SYT16: variants seen among roughly 807,000 people sequenced by gnomAD.
SYT16 encodes synaptotagmin-16.
SYT16 carries 42 observed loss-of-function variants against 61.4 expected under a neutral mutation model. The ratio of observed to expected loss-of-function variants is 0.68; its 90% confidence interval spans 0.53 to 0.89. SYT16 has a LOEUF of 0.89. Ranked by LOEUF, SYT16 falls within the 40% of genes least tolerant of loss-of-function variation. The pLI is 0.00. For missense variants in SYT16, 804 were observed against 807.3 expected, an observed-to-expected ratio of 1.00 and a Z score of 0.05; for synonymous variants, 314 against 302.3, an observed-to-expected ratio of 1.04 and a Z score of -0.40.
intron 3 of SYT16, among the ~76,000 whole-genome samples, chr14:62,041,052 A>G (rs546579077): frequency 6.6e-6 from 1 of 152,306 alleles, no homozygotes; most frequent in East Asian, 1.9e-4. Flanking sequence ...AAGCTGAAGA[A>G]CTTGGAGTCC....
intron 3 of SYT16, among the ~76,000 whole-genome samples, chr14:62,063,002 C>A (rs11849332): frequency 0.011 from 1,697 of 152,308 alleles, 16 homozygotes; most frequent in Middle Eastern, 0.027. Context: ...CCTCTCTTTG[C>A]ATCGCCAGTT....
At chr14:61,962,658 G>A (rs2051161864) in intron 1 of SYT16, among the ~76,000 whole-genome samples, 2 of 151,932 alleles carry the variant, frequency 1.3e-5, no homozygotes, top group South Asian at 4.2e-4. Context: ...TCACCTGAGA[G>A]TGTCTCATGA....
intron 7 of SYT16, among the ~76,000 whole-genome samples, chr14:62,092,026 G>T (rs2057094511): frequency 6.6e-6 from 1 of 151,962 alleles, no homozygotes; most frequent in Non-Finnish European, 1.5e-5. Flanking sequence ...TTTAAAACTG[G>T]ATTAAAGACT....
intron 2 of SYT16, among the ~76,000 whole-genome samples, chr14:61,989,229 G>T (rs11158369): frequency 0.31 from 46,962 of 151,956 alleles, 8,171 homozygotes; most frequent in East Asian, 0.74. Flanking sequence ...ATGAATTTGG[G>T]ATTAATATTG....
At chr14:62,015,585 T>C (rs2053639883) in intron 3 of SYT16, among the ~76,000 whole-genome samples, 1 of 152,206 alleles carries the variant, frequency 6.6e-6, no homozygotes, top group South Asian at 2.1e-4. Flanking sequence ...TAGTCCCCAG[T>C]ATGATGGTAT....
intron 1 of SYT16, among the ~76,000 whole-genome samples, chr14:61,858,497 T>C (rs891471860): frequency 2.6e-5 from 4 of 152,186 alleles, no homozygotes; most frequent in African/African-American, 9.7e-5. Flanking sequence ...GCAGAGACTA[T>C]GACTACAACA....
chr14:62,019,826 T>C (rs2053844267), intron 3 of SYT16, among the ~76,000 whole-genome samples: 2 of 152,168 alleles, frequency 1.3e-5, no homozygotes, highest in South Asian at 4.1e-4. Flanking sequence ...CTGGGGCTCC[T>C]GTGAAGATGA....
intron 1 of SYT16, among the ~76,000 whole-genome samples, chr14:61,871,920 C>T (rs909465552): frequency 6.6e-6 from 1 of 152,118 alleles, no homozygotes; most frequent in African/African-American, 2.4e-5. Context: ...TTTATTATCA[C>T]TGTTCCATTT....
At chr14:62,084,129 T>C (rs2056804513) in intron 6 of SYT16, 67 bp from the exon 7 acceptor site, 2 of 1,533,894 alleles carry the variant, frequency 1.3e-6, no homozygotes, top group East Asian at 4.7e-5. Context: ...AAACATAATA[T>C]CGGCTTTCTC....
chr14:62,087,479 G>T (rs1245569946), intron 7 of SYT16, among the ~76,000 whole-genome samples: 1 of 152,198 alleles, frequency 6.6e-6, no homozygotes, highest in South Asian at 2.1e-4. Context: ...AATCATGCCC[G>T]ACGGGGCGGT....
chr14:61,832,185 A>T, intron 1 of SYT16: 1 of 660,118 alleles, frequency 1.5e-6, no homozygotes, highest in Non-Finnish European at 2.9e-6. Context: ...CTTCTTCTTC[A>T]CGGCTTTCTG....
At chr14:62,032,827 T>C (rs531255779) in intron 3 of SYT16, among the ~76,000 whole-genome samples, 2 of 152,116 alleles carry the variant, frequency 1.3e-5, no homozygotes, top group East Asian at 1.9e-4. Context: ...ACAATCTTTT[T>C]TTTTGTTACA....
chr14:62,048,105 C>A (rs1296871070), intron 3 of SYT16, among the ~76,000 whole-genome samples: 2 of 152,138 alleles, frequency 1.3e-5, no homozygotes, highest in African/African-American at 2.4e-5. Context: ...CCATCTGGTC[C>A]TGGATTTTTT....
chr14:61,914,363 G>A (rs553588658), intron 1 of SYT16, among the ~76,000 whole-genome samples: 3 of 152,268 alleles, frequency 2.0e-5, no homozygotes, highest in Non-Finnish European at 4.4e-5. Context: ...CTGTCTATAT[G>A]AAGGGATCTC....
chr14:61,872,256 T>C (rs1183371486), intron 1 of SYT16, among the ~76,000 whole-genome samples: 2 of 152,212 alleles, frequency 1.3e-5, no homozygotes, highest in Non-Finnish European at 2.9e-5. Context: ...TGATATATAA[T>C]AGATGTACCT....
intron 1 of SYT16, among the ~76,000 whole-genome samples, chr14:61,883,698 C>T (rs2047785861): frequency 1.3e-5 from 2 of 152,190 alleles, no homozygotes; most frequent in African/African-American, 4.8e-5. Flanking sequence ...TAGTACCCCA[C>T]TCTTGGTACC....
chr14:61,839,869 C>T (rs1320461541), intron 1 of SYT16, among the ~76,000 whole-genome samples: 1 of 140,172 alleles, frequency 7.1e-6, no homozygotes, highest in African/African-American at 2.7e-5. Flanking sequence ...TGTCATTAAT[C>T]TGGGAACATT....
Position 61,886,004 on chromosome 14 carries a change from G to A in SYT16, c.-325+73194G>A, listed in dbSNP as rs140574164. Among the ~76,000 whole-genome samples the A allele has an allele frequency of 3.2e-4, 47 of 146,790 alleles. No individual in the cohort carries two copies. The East Asian group carries it at 3.3e-3, about 10-fold the overall frequency. ...TTTGGAGACAGAGTCTTGCTCTGTC[G>A]CCCAGGCTGGAGTGCAGTGGAGCGA... On this transcript the variant is annotated intron_variant, in intron 1 of 7. Coordinates refer to ENST00000683842, the MANE Select transcript of SYT16 (RefSeq NM_001367656.1).
At chr14:61,937,960 C>A (rs2050048569) in intron 1 of SYT16, among the ~76,000 whole-genome samples, 1 of 150,138 alleles carries the variant, frequency 6.7e-6, no homozygotes, top group Admixed American at 6.7e-5. Flanking sequence ...GTTTACAGTC[C>A]ATTGAGGAAT....
Sources: allele counts gnomAD v4.1 joint callset (sites outside exome capture counted in the v4.1 genomes callset), GRCh38; gene constraint gnomAD v4.1.1; transcripts MANE v1.5; gene names NCBI Gene and HGNC (gene_info 2026-07-23, HGNC 2026-07-21).